The following DNASE2B variants were observed in gnomAD, a reference collection of about 807,000 sequenced individuals.
The protein encoded by DNASE2B is deoxyribonuclease-2-beta.
DNASE2B carries 43 observed loss-of-function variants against 46.0 expected under a neutral mutation model. That is an observed-to-expected ratio of 0.94 (90% CI 0.73 to 1.21). DNASE2B has a LOEUF of 1.21. DNASE2B is among the 50% of genes most tolerant of loss of function. The probability of loss-of-function intolerance (pLI) is 0.00; values close to 1 mark genes in which losing one functional copy is unlikely to be tolerated. For synonymous variants in DNASE2B, 156 were observed against 152.5 expected (o/e 1.02, Z -0.17); for missense variants, 395 against 414.4 (o/e 0.95, Z 0.41).
intron 5 of DNASE2B, among the ~76,000 whole-genome samples, chr1:84,413,450 G>C (rs1558505004): frequency 6.6e-6 from 1 of 152,210 alleles, no homozygotes; most frequent in Non-Finnish European, 1.5e-5. Context: ...AACTTGACAG[G>C]ACAGAGACAG....
intron 2 of DNASE2B, among the ~76,000 whole-genome samples, chr1:84,405,589 T>C (rs1364276626): frequency 6.6e-6 from 1 of 152,190 alleles, no homozygotes; most frequent in Non-Finnish European, 1.5e-5. Flanking sequence ...GGTCCTACGG[T>C]TTTATTCAAG....
At chr1:84,399,757 G>A (rs1680374177) in intron 1 of DNASE2B, among the ~76,000 whole-genome samples, 1 of 152,130 alleles carries the variant, frequency 6.6e-6, no homozygotes, top group African/African-American at 2.4e-5. Flanking sequence ...TTAGAGAGGT[G>A]GGGACAGCCA....
intron 3 of DNASE2B, among the ~76,000 whole-genome samples, chr1:84,410,217 T>C (rs1270004635): frequency 1.3e-5 from 2 of 152,218 alleles, no homozygotes; most frequent in Non-Finnish European, 2.9e-5. Context: ...TTCTATTTTC[T>C]TCCTTATTGG....
At chr1:84,412,633 C>T (rs2101854521) in intron 5 of DNASE2B, 87 bp downstream of exon 5, 1 of 1,236,290 alleles carries the variant, frequency 8.1e-7, no homozygotes, top group East Asian at 2.6e-5. Flanking sequence ...TTTGAGTATT[C>T]AGAGAAAGAG....
At position 84,414,905 on chromosome 1, in the gene DNASE2B, C is replaced by A; in HGVS notation, c.*37C>A. The A allele has an allele frequency of 6.8e-7, 1 of 1,476,994 alleles. No individual in the cohort carries two copies. Among genetic ancestry groups the A allele is most frequent in the Non-Finnish European group, 9.3e-7 (1 of 1,073,732 alleles). The allele number at this position is 1,476,994 out of a possible 1,614,324, so 91.5% of individuals were successfully genotyped here. A position where few individuals can be genotyped will look rare whatever the true frequency, so the allele number is the denominator to read the frequency against. The stretch of plus-strand genomic sequence containing the variant: ...GGACACAGGTACTATCATTGAAAAC[C>A]TTGACAATGGGTCTTCTTCCATTAC... On this transcript the variant is annotated 3_prime_UTR_variant, in exon 6 of 6. Coordinates refer to ENST00000370665, the MANE Select transcript of DNASE2B (RefSeq NM_021233.3).
At position 84,398,486 on chromosome 1, in the gene DNASE2B, A is replaced by G; in HGVS notation, c.-79A>G. On this transcript the variant is annotated 5_prime_UTR_variant, in exon 1 of 6. Transcript: ENST00000370665. Reference sequence around the variant, plus strand: ...ACAGGTAAATCAAATCAAACGTCAGAGCCAGCACAGCCTGAGAGCGCCTTG... The same window carrying G: ...ACAGGTAAATCAAATCAAACGTCAGGGCCAGCACAGCCTGAGAGCGCCTTG... 1.3e-6 allele frequency: 2 copies of G among 1,575,236 alleles called. No individual in the cohort carries two copies. Among genetic ancestry groups the G allele is most frequent in the Non-Finnish European group, 1.7e-6 (2 of 1,156,914 alleles).
At chr1:84,410,309 CTT>C (rs751139557) in intron 3 of DNASE2B, among the ~76,000 whole-genome samples, 3 of 152,156 alleles carry the variant, frequency 2.0e-5, no homozygotes, top group Non-Finnish European at 2.9e-5. Context: ...CTTTTTGTCT[CTT>C]TGCTTCTTTT....
rs1680348684 is a variant in DNASE2B at position 84,398,697 on chromosome 1, A to G, written c.125+8A>G. On this transcript the variant is annotated splice_region_variant and intron_variant, in intron 1 of 5. Transcript: ENST00000370665. ...AGGGAAAGCTGTGGACTGGTAGGTA[A>G]ATGAAATGGAAGGACTGCTGCATGC... 4 of 1,613,494 alleles carry G rather than the reference A, an allele frequency of 2.5e-6. No individual in the cohort carries two copies. Among genetic ancestry groups the G allele is most frequent in the South Asian group, 2.2e-5 (2 of 90,988 alleles).
rs1301014846 is a variant in DNASE2B, at chr1:84,412,424, A to G, written c.623A>G (p.His208Arg). 1 of 1,613,320 alleles carries G rather than the reference A, an allele frequency of 6.2e-7. No homozygotes were observed. Among genetic ancestry groups the G allele is most frequent in the East Asian group, 2.2e-5 (1 of 44,846 alleles). The change falls in exon 5 of 6, where the codon CAC becomes CGC. Residue 208 changes from histidine (H) to arginine (R), a missense_variant. His to Arg is a conservative substitution (Grantham distance 29). Coordinates refer to ENST00000370665, the MANE Select transcript of DNASE2B (RefSeq NM_021233.3). ...GCCACCTTTCACCAGGAGCTCATTC[A>G]CATGCCCCAGCTGTGCACCAGGGCC... is the stretch of plus-strand genomic sequence containing the variant. ...IPATFHQELI[H>R]MPQLCTRASS...
At position 84,414,814 on chromosome 1, in the gene DNASE2B, G is replaced by A; in HGVS notation, c.1032G>A (p.Trp344Ter). 1.9e-6 allele frequency: 3 copies of A among 1,614,070 alleles called. No homozygotes were observed. Among genetic ancestry groups the A allele is most frequent in the Non-Finnish European group, 2.5e-6 (3 of 1,180,002 alleles). The change falls in exon 6 of 6, where the codon TGG (tryptophan) becomes TGA (stop). Residue 344 changes from tryptophan (W) to a stop codon, truncating the protein, a stop_gained. Transcript: ENST00000370665. LOFTEE classifies it high-confidence loss of function. The stretch of plus-strand genomic sequence containing the variant: ...GAGGATTCATTTGTACCCAGAATTG[G>A]CAAATTTACCAAGCATTTCAAGGAT... ...RSGGFICTQN[W>*]QIYQAFQGLV...
chr1:84,400,960 G>T (rs952155057), intron 1 of DNASE2B, among the ~76,000 whole-genome samples: 1 of 152,144 alleles, frequency 6.6e-6, no homozygotes, highest in Non-Finnish European at 1.5e-5. Context: ...GTATAAGACC[G>T]AAGGGGACCA....
intron 2 of DNASE2B, among the ~76,000 whole-genome samples, chr1:84,407,555 C>G: frequency 6.6e-6 from 1 of 151,818 alleles, no homozygotes; most frequent in Non-Finnish European, 1.5e-5. Context: ...AAGCAAGGGC[C>G]TTTTTTAAGG....
intron 1 of DNASE2B, among the ~76,000 whole-genome samples, chr1:84,400,457 T>C (rs1449821150): frequency 6.6e-6 from 1 of 152,194 alleles, no homozygotes; most frequent in African/African-American, 2.4e-5. Flanking sequence ...TGTTCCCTAA[T>C]AGTGTGGGAT....
At chr1:84,407,894 C>T (rs1341654192) in intron 2 of DNASE2B, among the ~76,000 whole-genome samples, 1 of 151,982 alleles carries the variant, frequency 6.6e-6, no homozygotes, top group African/African-American at 2.4e-5. Flanking sequence ...GCAGAAAAAT[C>T]CTCTCATAAT....
rs199881802 is a variant in DNASE2B at position 84,410,872 on chromosome 1, G to C, written c.420G>C (p.Trp140Cys). 7.1e-5 allele frequency: 115 copies of C among 1,613,586 alleles called. No homozygotes were observed. The highest frequency in any genetic ancestry group is 9.1e-5 in the Non-Finnish European group (107 of 1,179,732). Residue 140 changes from tryptophan (W) to cysteine (C), a missense_variant, in exon 4 of 6, where the codon TGG becomes TGC. Trp to Cys is a radical substitution (Grantham distance 215, BLOSUM62 -2). Coordinates refer to ENST00000370665, the MANE Select transcript of DNASE2B (RefSeq NM_021233.3). ...LLLWNRVQGF[W>C]LIHSIPQFPP... is the part of the protein sequence containing the mutation. Reference sequence around the variant, plus strand: ...TGTGGAACAGAGTTCAAGGGTTCTGGCTGATTCATTCCATCCCTCAGTTTC... The same window carrying C: ...TGTGGAACAGAGTTCAAGGGTTCTGCCTGATTCATTCCATCCCTCAGTTTC...
In DNASE2B at chr1:84,414,427, C is replaced by T. The variant is rs1680656462; in HGVS notation, c.746-101C>T. The T allele has an allele frequency of 5.0e-6, 5 of 995,964 alleles. No homozygotes were observed. In the Admixed American group the frequency reaches 1.2e-4, roughly 23 times the overall value. 61.7% of individuals were successfully genotyped at this position (995,964 alleles called of 1,614,324 possible). A position where few individuals can be genotyped will look rare whatever the true frequency, so the allele number is the denominator to read the frequency against. ...GTTATTATTGTGCTCGTGACATCCACATATCAGGGGTGAAAGATGATTTCC... is the reference window on the plus strand; with the variant it reads ...GTTATTATTGTGCTCGTGACATCCATATATCAGGGGTGAAAGATGATTTCC... On this transcript the variant is annotated intron_variant, in intron 5 of 5. Coordinates refer to ENST00000370665, the MANE Select transcript of DNASE2B (RefSeq NM_021233.3).
At position 84,414,716 on chromosome 1, in the gene DNASE2B, C is replaced by A; in HGVS notation, c.934C>A (p.Gln312Lys). ...YQDHAKWCIS[Q>K]KGTKNRWTCI... is the part of the protein sequence containing the mutation. ...AGATCATGCCAAGTGGTGTATTTCCCAAAAGGGCACCAAAAATCGCTGGAC... is the reference window on the plus strand; with the variant it reads ...AGATCATGCCAAGTGGTGTATTTCCAAAAAGGGCACCAAAAATCGCTGGAC... The change falls in exon 6 of 6, where the codon CAA becomes AAA. Residue 312 changes from glutamine (Q) to lysine (K), a missense_variant. Gln to Lys is a moderately conservative substitution (Grantham distance 53). Coordinates refer to ENST00000370665, the MANE Select transcript of DNASE2B (RefSeq NM_021233.3). 6.2e-7 allele frequency: 1 copy of A among 1,614,124 alleles called. No homozygotes were observed. Among genetic ancestry groups the A allele is most frequent in the Non-Finnish European group, 8.5e-7 (1 of 1,180,004 alleles).
intron 2 of DNASE2B, among the ~76,000 whole-genome samples, chr1:84,407,232 C>T (rs556020539): frequency 1.3e-5 from 2 of 152,268 alleles, no homozygotes; most frequent in South Asian, 4.2e-4. Flanking sequence ...AAATTCCTCA[C>T]TGGATCATCC....
At chr1:84,400,336 C>G (rs1248840057) in intron 1 of DNASE2B, among the ~76,000 whole-genome samples, 1 of 151,892 alleles carries the variant, frequency 6.6e-6, no homozygotes, top group African/African-American at 2.4e-5. Flanking sequence ...CCATTGCACT[C>G]CAGCCTGAAT....
Sources: allele counts gnomAD v4.1 joint callset (sites outside exome capture counted in the v4.1 genomes callset), GRCh38; gene constraint gnomAD v4.1.1; transcripts MANE v1.5; gene names NCBI Gene and HGNC (gene_info 2026-07-23, HGNC 2026-07-21).